Variants in SYN3 observed in about 807,000 individuals in gnomAD.
SYN3 encodes synapsin III.
SYN3 carries 35 observed loss-of-function variants against 65.8 expected under a neutral mutation model. The ratio of observed to expected loss-of-function variants is 0.53; its 90% confidence interval spans 0.41 to 0.70. The LOEUF (loss-of-function observed/expected upper bound fraction) is 0.70. SYN3 is among the 30% of genes least tolerant of loss of function. The probability of loss-of-function intolerance (pLI) is 0.00; values close to 1 mark genes in which losing one functional copy is unlikely to be tolerated. For missense variants in SYN3, 680 were observed against 749.0 expected, an observed-to-expected ratio of 0.91 and a Z score of 1.08; for synonymous variants, 270 against 292.9, an observed-to-expected ratio of 0.92 and a Z score of 0.80.
intron 7 of SYN3, among the ~76,000 whole-genome samples, chr22:32,577,969 ATTCTT>A (rs2058876677): frequency 6.6e-6 from 1 of 152,060 alleles, no homozygotes; most frequent in Non-Finnish European, 1.5e-5. Flanking sequence ...TTATTTGTTT[ATTCTT>A]TTCTTCATCT....
chr22:32,998,558 C>A (rs575725697), intron 2 of SYN3, among the ~76,000 whole-genome samples: 35 of 152,084 alleles, frequency 2.3e-4, no homozygotes, highest in Non-Finnish European at 3.7e-4. Context: ...CAGAGGCCAC[C>A]CAGGGAGGAC....
chr22:32,664,937 C>A (rs1012754799), intron 6 of SYN3, among the ~76,000 whole-genome samples: 106 of 151,170 alleles, frequency 7.0e-4, no homozygotes, highest in African/African-American at 1.9e-3. Flanking sequence ...TATCCCTCAA[C>A]CCCTCCCACC....
intron 6 of SYN3, among the ~76,000 whole-genome samples, chr22:32,701,001 C>G (rs1345755551): frequency 6.6e-6 from 1 of 152,212 alleles, no homozygotes; most frequent in Non-Finnish European, 1.5e-5. Flanking sequence ...TTCAATCAAT[C>G]CCTAAGTCCT....
At chr22:32,654,677 C>A (rs938415176) in intron 6 of SYN3, among the ~76,000 whole-genome samples, 7 of 152,208 alleles carry the variant, frequency 4.6e-5, no homozygotes, top group Non-Finnish European at 8.8e-5. Flanking sequence ...TGCAAGGGAA[C>A]TAGGTTGAAC....
In SYN3 at chr22:32,549,954, G is replaced by C. The variant is rs182891306; in HGVS notation, c.775-8241C>G. Reference sequence around the variant, plus strand: ...TGAGAATGTTACCTATAGAGGGAAGGGAAGCGGGAGGTGACGGGGATGGAG... The same window carrying C: ...TGAGAATGTTACCTATAGAGGGAAGCGAAGCGGGAGGTGACGGGGATGGAG... On this transcript the variant is annotated intron_variant, in intron 7 of 13. Coordinates refer to ENST00000358763, the MANE Select transcript of SYN3 (RefSeq NM_003490.4). Among the ~76,000 whole-genome samples, 102 of 152,176 alleles carry C rather than the reference G, an allele frequency of 6.7e-4. 1 individual carries two copies. The highest frequency in any genetic ancestry group is 1.2e-3 in the Non-Finnish European group (82 of 68,022).
intron 4 of SYN3, among the ~76,000 whole-genome samples, chr22:32,883,684 A>T (rs1040908225): frequency 1.6e-4 from 25 of 152,182 alleles, no homozygotes; most frequent in South Asian, 6.2e-4. Flanking sequence ...TCTCTTTTTT[A>T]AAAAAAGATA....
At chr22:32,816,849 G>A (rs1282384339) in intron 6 of SYN3, among the ~76,000 whole-genome samples, 2 of 152,164 alleles carry the variant, frequency 1.3e-5, no homozygotes, top group African/African-American at 4.8e-5. Flanking sequence ...GGATGGGGCA[G>A]GCAACATTTC....
At chr22:33,045,452 C>T (rs2054043509) in intron 1 of SYN3, among the ~76,000 whole-genome samples, 3 of 141,486 alleles carry the variant, frequency 2.1e-5, no homozygotes, top group South Asian at 4.6e-4. Context: ...CCAGGTGGCT[C>T]TACTTTCTTT....
intron 6 of SYN3, among the ~76,000 whole-genome samples, chr22:32,786,605 A>G (rs130550): frequency 0.92 from 140,067 of 151,554 alleles, 64,807 homozygotes; most frequent in East Asian, 0.96. Flanking sequence ...CTTGTGATCC[A>G]CCCACCTCAG....
At chr22:33,047,445 G>A (rs1002010506) in intron 1 of SYN3, among the ~76,000 whole-genome samples, 1 of 152,106 alleles carries the variant, frequency 6.6e-6, no homozygotes, top group Non-Finnish European at 1.5e-5. Flanking sequence ...ACCTGCCTAC[G>A]TGGCCCCTGA....
At chr22:32,743,771 C>T (rs73156453) in intron 6 of SYN3, among the ~76,000 whole-genome samples, 3,520 of 152,186 alleles carry the variant, frequency 0.023, 57 homozygotes, top group Non-Finnish European at 0.035. Context: ...CTCCTGGAGA[C>T]TGGGCGGCCT....
intron 4 of SYN3, among the ~76,000 whole-genome samples, chr22:32,896,648 G>A (rs2049601343): frequency 6.6e-6 from 1 of 152,104 alleles, no homozygotes. Flanking sequence ...AAATAAAATA[G>A]GAAAAGATAA....
Position 33,015,280 on chromosome 22 carries a change from A to G in SYN3, c.-162-8456T>C, listed in dbSNP as rs2053444834. 16 of 573,038 alleles carry G rather than the reference A, an allele frequency of 2.8e-5. No homozygotes were observed. In the South Asian group the frequency reaches 2.8e-4, roughly 10 times the overall value. The allele number at this position is 573,038 out of a possible 1,614,324, so 35.5% of individuals were successfully genotyped here. A position where few individuals can be genotyped will look rare whatever the true frequency, so the allele number is the denominator to read the frequency against. ...GGACGAGACTATCCAAAAGGAGCAG[A>G]CTATTTTAAACGGCGTTTGAACAAC... On this transcript the variant is annotated intron_variant, in intron 1 of 13. Coordinates refer to ENST00000358763, the MANE Select transcript of SYN3 (RefSeq NM_003490.4).
chr22:32,665,158 T>A (rs1303924500), intron 6 of SYN3, among the ~76,000 whole-genome samples: 2 of 151,830 alleles, frequency 1.3e-5, no homozygotes, highest in Non-Finnish European at 2.9e-5. Context: ...CCACCACGCC[T>A]AGCTAATTTT....
chr22:32,671,013 C>T (rs1227091324), intron 6 of SYN3, among the ~76,000 whole-genome samples: 3 of 152,198 alleles, frequency 2.0e-5, no homozygotes, highest in African/African-American at 4.8e-5. Context: ...AGTCAAGAGA[C>T]GCGGATTCTA....
At chr22:33,028,172 C>T (rs942897374) in intron 1 of SYN3, among the ~76,000 whole-genome samples, 15 of 152,146 alleles carry the variant, frequency 9.9e-5, no homozygotes, top group African/African-American at 3.4e-4. Context: ...AATCCCAGCC[C>T]GTGGTTTCCA....
At chr22:33,035,269 C>T (rs2053831430) in intron 1 of SYN3, among the ~76,000 whole-genome samples, 1 of 145,922 alleles carries the variant, frequency 6.9e-6, no homozygotes, top group Non-Finnish European at 1.5e-5. Flanking sequence ...AAACTTTGTT[C>T]ATATATTAAA....
At chr22:32,574,470 C>T (rs1187376134) in intron 7 of SYN3, among the ~76,000 whole-genome samples, 1 of 152,134 alleles carries the variant, frequency 6.6e-6, no homozygotes, top group Non-Finnish European at 1.5e-5. Flanking sequence ...CAGAGACAGA[C>T]TCCATCTCTT....
At chr22:32,706,110 G>A (rs2060877342) in intron 6 of SYN3, among the ~76,000 whole-genome samples, 2 of 152,144 alleles carry the variant, frequency 1.3e-5, no homozygotes, top group South Asian at 4.1e-4. Context: ...AAATTGGAGT[G>A]GTGAGAGAGG....
Sources: allele counts gnomAD v4.1 joint callset (sites outside exome capture counted in the v4.1 genomes callset), GRCh38; gene constraint gnomAD v4.1.1; transcripts MANE v1.5; gene names NCBI Gene and HGNC (gene_info 2026-07-23, HGNC 2026-07-21).